CCDC30: variants seen among roughly 807,000 people sequenced by gnomAD.
CCDC30 encodes the protein coiled-coil domain-containing protein 30.
A neutral mutation model predicts 100.2 loss-of-function variants in CCDC30; 70 were observed. The ratio of observed to expected loss-of-function variants is 0.70; its 90% CI spans 0.58 to 0.85. CCDC30 has a LOEUF of 0.85. Ranked by LOEUF, CCDC30 falls within the 40% of genes least tolerant of loss-of-function variation. The pLI is 0.00. For missense variants in CCDC30, 652 were observed against 771.2 expected (o/e 0.85, Z 1.83); for synonymous variants, 233 against 269.5 (o/e 0.86, Z 1.33).
At position 42,629,969 on chromosome 1, in the gene CCDC30, ATTTTTTT is replaced by A. The variant is rs4019432; in HGVS notation, c.1278-7251_1278-7245del. Among the ~76,000 whole-genome samples, 10 of 90,118 alleles carry A rather than the reference ATTTTTTT, an allele frequency of 1.1e-4. No homozygotes were observed. In the East Asian group the frequency reaches 3.2e-3, roughly 28 times the overall value. The allele number at this position is 90,118 out of a possible 152,430, so 59.1% of individuals were successfully genotyped here. A position where few individuals can be genotyped will look rare whatever the true frequency, so the allele number is the denominator to read the frequency against. On this transcript the variant is annotated intron_variant, in intron 11 of 16. Coordinates refer to ENST00000668663, the Ensembl canonical transcript of CCDC30. Reference sequence around the variant, plus strand: ...CAATAACTCTTAGATATGTCCCCCTATTTTTTTTTTTTTTTTTTTTTTTGAGATGAAG... The same window carrying A: ...CAATAACTCTTAGATATGTCCCCCTATTTTTTTTTTTTTTTTGAGATGAAG...
intron 1 of CCDC30, among the ~76,000 whole-genome samples, chr1:42,475,338 A>G (rs912974469): frequency 2.0e-5 from 3 of 152,194 alleles, no homozygotes; most frequent in African/African-American, 7.2e-5. Flanking sequence ...ATGGACTAAA[A>G]GTAAGAAAAT....
chr1:42,480,706 T>A, intron 2 of CCDC30, 140 bp downstream of exon 2: 9 of 773,906 alleles, frequency 1.2e-5, no homozygotes, highest in Non-Finnish European at 1.4e-5. Flanking sequence ...CAAGAACCTG[T>A]GTAACAGTCT....
At chr1:42,576,541 C>G (rs1253894316) in intron 7 of CCDC30, among the ~76,000 whole-genome samples, 1 of 152,210 alleles carries the variant, frequency 6.6e-6, no homozygotes, top group Non-Finnish European at 1.5e-5. Flanking sequence ...CATCTACTCT[C>G]TAGGCCTAGA....
chr1:42,457,107 A>G, the CCDC30 span: 2 of 1,575,824 alleles, frequency 1.3e-6, no homozygotes, highest in African/African-American at 2.7e-5. Context: ...TTTGCCTGGA[A>G]GCACAGCCTT....
intron 11 of CCDC30, among the ~76,000 whole-genome samples, chr1:42,624,137 CTT>C (rs1646890030): frequency 6.6e-6 from 1 of 152,210 alleles, no homozygotes; most frequent in East Asian, 1.9e-4. Context: ...TTAATGGAGT[CTT>C]TAGGTTTTTC....
intron 6 of CCDC30, among the ~76,000 whole-genome samples, chr1:42,518,160 T>A (rs1412858836): frequency 6.6e-6 from 1 of 152,184 alleles, no homozygotes; most frequent in African/African-American, 2.4e-5. Flanking sequence ...TTTCTATCTT[T>A]TATTGTACAA....
At chr1:42,643,272 G>A (rs1292100659) in intron 13 of CCDC30, among the ~76,000 whole-genome samples, 2 of 152,186 alleles carry the variant, frequency 1.3e-5, no homozygotes, top group African/African-American at 4.8e-5. Flanking sequence ...AGGAAGCCAA[G>A]GTCTAGAGAG....
At chr1:42,537,108 C>T (rs895696369) in intron 6 of CCDC30, 1 of 444,580 alleles carries the variant, frequency 2.2e-6, no homozygotes, top group Non-Finnish European at 4.5e-6. Context: ...AATGGGGTAG[C>T]TCTGTTGTTT....
chr1:42,576,959 A>G, intron 7 of CCDC30, 61 bp from the exon 12 acceptor site: 1 of 1,267,046 alleles, frequency 7.9e-7, no homozygotes, highest in Non-Finnish European at 1.1e-6. Context: ...AAAGCTGCTT[A>G]TTCTAGTTCA....
At chr1:42,501,765 C>G (rs1017061330) in intron 6 of CCDC30, among the ~76,000 whole-genome samples, 3 of 152,182 alleles carry the variant, frequency 2.0e-5, no homozygotes, top group Non-Finnish European at 4.4e-5. Context: ...GGCTGCAGAA[C>G]AGCAAATATT....
At chr1:42,637,709 A>G (rs111449626) in intron 12 of CCDC30, among the ~76,000 whole-genome samples, 1 of 152,204 alleles carries the variant, frequency 6.6e-6, no homozygotes, top group African/African-American at 2.4e-5. Flanking sequence ...TGCTTTGTGG[A>G]GCCCTCATTT....
chr1:42,641,740 G>T (rs1209360863), intron 12 of CCDC30, among the ~76,000 whole-genome samples: 1 of 151,974 alleles, frequency 6.6e-6, no homozygotes, highest in Non-Finnish European at 1.5e-5. Context: ...GGTAGTGGAT[G>T]CCTGTAATCC....
rs1645851642 is a variant in CCDC30, at chr1:42,577,001, ACTT to A, written c.637-18_637-16del. 1.9e-6 allele frequency: 3 copies of A among 1,556,700 alleles called. No homozygotes were observed. Among genetic ancestry groups the A allele is most frequent in the Non-Finnish European group, 2.7e-6 (3 of 1,129,806 alleles). On this transcript the variant is annotated splice_polypyrimidine_tract_variant and intron_variant, in intron 7 of 16. Transcript: ENST00000668663. ...TTCCACACTTATTTGTATTACTCTT[ACTT>A]ATTCTCTACCTCTAGATAAAGATTG...
At chr1:42,471,322 G>A (rs1643763553) in intron 1 of CCDC30, among the ~76,000 whole-genome samples, 1 of 152,152 alleles carries the variant, frequency 6.6e-6, no homozygotes, top group Non-Finnish European at 1.5e-5. Context: ...TGGGGATTAT[G>A]CTGTTGGGCA....
At chr1:42,580,143 A>G (rs1189257007) in intron 8 of CCDC30, among the ~76,000 whole-genome samples, 1 of 152,198 alleles carries the variant, frequency 6.6e-6, no homozygotes. Flanking sequence ...AGAGAAGCCA[A>G]TGAGGTGATG....
At chr1:42,650,542 T>A (rs1010687571) in intron 15 of CCDC30, among the ~76,000 whole-genome samples, 2 of 149,694 alleles carry the variant, frequency 1.3e-5, no homozygotes, top group African/African-American at 4.9e-5. Flanking sequence ...TGTGTGTGTA[T>A]AACAGAACTA....
intron 6 of CCDC30, among the ~76,000 whole-genome samples, chr1:42,503,398 G>A (rs1286413566): frequency 6.6e-6 from 1 of 152,188 alleles, no homozygotes; most frequent in Non-Finnish European, 1.5e-5. Flanking sequence ...AGATTTTATA[G>A]GCAAGCTTGA....
chr1:42,607,772 A>C (rs1448733835), intron 10 of CCDC30, among the ~76,000 whole-genome samples: 2 of 152,196 alleles, frequency 1.3e-5, no homozygotes, highest in Non-Finnish European at 2.9e-5. Context: ...GAAAAGGTAA[A>C]CACCAGCTGT....
intron 10 of CCDC30, among the ~76,000 whole-genome samples, chr1:42,598,919 T>G (rs989695721): frequency 6.6e-6 from 1 of 152,058 alleles, no homozygotes; most frequent in Non-Finnish European, 1.5e-5. Flanking sequence ...AAATTGTTTC[T>G]AAGTGAAGGA....
Sources: allele counts gnomAD v4.1 joint callset (sites outside exome capture counted in the v4.1 genomes callset), GRCh38; gene constraint gnomAD v4.1.1; transcripts MANE v1.5; gene names NCBI Gene and HGNC (gene_info 2026-07-23, HGNC 2026-07-21).